TIMELESS: variants seen among roughly 807,000 people sequenced by gnomAD.
TIMELESS encodes protein timeless homolog.
In TIMELESS, 124 loss-of-function variants were observed where a neutral mutation model predicts 164.3. The observed-to-expected ratio is 0.75, with a 90% CI of 0.65 to 0.88. The LOEUF (loss-of-function observed/expected upper bound fraction) is 0.88, where lower values mean the gene tolerates loss of function less well. Among genes scored for constraint, TIMELESS ranks in the 40% least tolerant of loss-of-function variants. The pLI is 0.00. For synonymous variants in TIMELESS, 564 were observed against 563.4 expected, an observed-to-expected ratio of 1.00 and a Z score of -0.02; for missense variants, 1,422 against 1,491.4, an observed-to-expected ratio of 0.95 and a Z score of 0.77.
chr12:56,421,540 A>G (rs778707974), intron 22 of TIMELESS, 47 bp from the exon 23 acceptor site: 1 of 1,583,470 alleles, frequency 6.3e-7, no homozygotes, highest in East Asian at 2.2e-5. Context: ...AGGGAAAGAG[A>G]TGAGTAAAAT....
At position 56,421,482 on chromosome 12, in the gene TIMELESS, G is replaced by T. The variant is rs1881487587; in HGVS notation, c.2737C>A (p.His913Asn). 1 of 1,611,558 alleles carries T rather than the reference G, an allele frequency of 6.2e-7. No homozygotes were observed. The highest frequency in any genetic ancestry group is 1.1e-5 in the South Asian group (1 of 90,826). ...TTGGCTGTGATATTCTTCATGATAT[G>T]ACCCAGGACATCTATAAAAAGCAAG... Reference protein sequence around the residue: ...EFRDSDDVLGHIMKNITAKRS... With the variant: ...EFRDSDDVLGNIMKNITAKRS... The change falls in exon 23 of 29, where the codon CAT (histidine) becomes AAT (asparagine). Residue 913 changes from histidine (H) to asparagine (N), a missense_variant. By Grantham distance (68) the His-to-Asn change is moderately conservative (BLOSUM62 1). Transcript: ENST00000553532.
At chr12:56,430,767 G>C (rs1017164538) in intron 9 of TIMELESS, 114 bp downstream of exon 9, 6 of 641,284 alleles carry the variant, frequency 9.4e-6, no homozygotes, top group Admixed American at 9.0e-5. Context: ...GCCTCCCAAA[G>C]TGCTGGGACC....
Position 56,428,384 on chromosome 12 carries a change from T to C in TIMELESS, c.1430A>G (p.Glu477Gly). ...AAGTGCCAGGAATAGTTCTCGGTACTCCATCACATAGAAAATATTGTCTAG... is the reference window on the plus strand; with the variant it reads ...AAGTGCCAGGAATAGTTCTCGGTACCCCATCACATAGAAAATATTGTCTAG... ...IIKNNIFYVMEYRELFLALFR... is the reference protein window; with the variant it reads ...IIKNNIFYVMGYRELFLALFR... The change falls in exon 13 of 29, where the codon GAG (glutamate) becomes GGG (glycine). Residue 477 changes from glutamate (E) to glycine (G), a missense_variant. Transcript: ENST00000553532. 6.2e-7 allele frequency: 1 copy of C among 1,610,414 alleles called. No individual in the cohort carries two copies. The highest frequency in any genetic ancestry group is 1.3e-5 in the African/African-American group (1 of 74,964).
Position 56,420,704 on chromosome 12 carries a change from A to G in TIMELESS, c.3110-17T>C. 2.5e-6 allele frequency: 4 copies of G among 1,613,838 alleles called. No homozygotes were observed. Among genetic ancestry groups the G allele is most frequent in the Non-Finnish European group, 3.4e-6 (4 of 1,179,714 alleles). ...GGGAGCAGCCTAAGACAGGGTCAAT[A>G]GTCATATGGTGAAGATATAAGGGAA... On this transcript the variant is annotated splice_polypyrimidine_tract_variant and intron_variant, in intron 25 of 28. Transcript: ENST00000553532.
In TIMELESS at chr12:56,423,635, T is replaced by C. The variant is rs1334895389; in HGVS notation, c.2039A>G (p.Gln680Arg). Residue 680 changes from glutamine (Q) to arginine (R), a missense_variant, in exon 17 of 29, where the codon CAA becomes CGA. By Grantham distance (43) the Gln-to-Arg change is conservative. Transcript: ENST00000553532. ...EEEEEEEEEL[Q>R]VVQVSEKEFN... ...TTCTTTCTCCGACACCTGGACCACT[T>C]GCAACTCCTCCTCTTCCTCCTCCTC... 1.2e-6 allele frequency: 2 copies of C among 1,613,968 alleles called. No homozygotes were observed. Among genetic ancestry groups the C allele is most frequent in the Non-Finnish European group, 1.7e-6 (2 of 1,180,040 alleles).
At position 56,434,124 on chromosome 12, in the gene TIMELESS, G is replaced by A. The variant is rs1184170557; in HGVS notation, c.47C>T (p.Ala16Val). The A allele has an allele frequency of 1.2e-6, 2 of 1,614,016 alleles. No individual in the cohort carries two copies. The highest frequency in any genetic ancestry group is 8.5e-7 in the Non-Finnish European group (1 of 1,180,034). Residue 16 changes from alanine to valine, a missense_variant, in exon 2 of 29, where the codon GCC (alanine) becomes GTC (valine). Physicochemically the swap from Ala to Val is moderately conservative, Grantham distance 64. Transcript: ENST00000553532. ...AGTGTCTCCCTCCAAGTACCCAAGGGCACTACATGTGGCTAGAAGTTCACA... is the reference window on the plus strand; with the variant it reads ...AGTGTCTCCCTCCAAGTACCCAAGGACACTACATGTGGCTAGAAGTTCACA... Reference protein sequence around the residue: ...MNCELLATCSALGYLEGDTYH... With the variant: ...MNCELLATCSVLGYLEGDTYH...
intron 1 of TIMELESS, among the ~76,000 whole-genome samples, chr12:56,447,997 G>C (rs1431871005): frequency 6.6e-6 from 1 of 151,898 alleles, no homozygotes; most frequent in South Asian, 2.1e-4. Context: ...AGATTGAGAG[G>C]GTCAGGGCCA....
At position 56,417,645 on chromosome 12, in the gene TIMELESS, A is replaced by G; in HGVS notation, c.*71T>C. 1 of 1,490,298 alleles carries G rather than the reference A, an allele frequency of 6.7e-7. No individual in the cohort carries two copies. Among genetic ancestry groups the G allele is most frequent in the Non-Finnish European group, 9.4e-7 (1 of 1,068,456 alleles). The allele number at this position is 1,490,298 out of a possible 1,614,324, so 92.3% of individuals were successfully genotyped here. A position where few individuals can be genotyped will look rare whatever the true frequency, so the allele number is the denominator to read the frequency against. ...AAGAGGAGCTTCTGGGTCCTGTATG[A>G]CCCTTCCAACTCTGACTTGAATGCA... On this transcript the variant is annotated 3_prime_UTR_variant, in exon 29 of 29. Transcript: ENST00000553532.
chr12:56,422,479 G>A (rs1881531183), intron 19 of TIMELESS, among the ~76,000 whole-genome samples: 1 of 152,206 alleles, frequency 6.6e-6, no homozygotes, highest in Non-Finnish European at 1.5e-5. Flanking sequence ...TGAAAGGAGA[G>A]GGGCTGAGAT....
chr12:56,430,203 T>G lies in TIMELESS; in HGVS notation c.988A>C (p.Ile330Leu), dbSNP rs112942716. The G allele has an allele frequency of 7.4e-6, 12 of 1,614,000 alleles. No individual in the cohort carries two copies. The African/African-American group carries it at 1.6e-4, about 22-fold the overall frequency. The change falls in exon 10 of 29, where the codon ATT becomes CTT. Residue 330 changes from isoleucine to leucine, a missense_variant. Ile to Leu is a conservative substitution (Grantham distance 5, BLOSUM62 2). Transcript: ENST00000553532. ...ACATTGAGGGCAGAACGGCGCTGAA[T>G]GGACAGCTCTCGGGCGGCCTGGCGA... is the stretch of plus-strand genomic sequence containing the variant. The part of the protein sequence containing the change: ...KRRQAARELS[I>L]QRRSALNVRL...
At position 56,418,313 on chromosome 12, in the gene TIMELESS, C is replaced by A; in HGVS notation, c.3275G>T (p.Arg1092Leu). The change falls in exon 27 of 29, where the codon CGG becomes CTG. Residue 1092 changes from arginine (R) to leucine (L), a missense_variant. Transcript: ENST00000553532. ...TTGACTCAAAGAAGCTGCTGCCCTCCGGAGCTGGGTAGGACTCAGCTTGGC... is the reference window on the plus strand; with the variant it reads ...TTGACTCAAAGAAGCTGCTGCCCTCAGGAGCTGGGTAGGACTCAGCTTGGC... The part of the protein sequence containing the change: ...IPAKLSPTQL[R>L]RAAASLSQPE... 6.2e-7 allele frequency: 1 copy of A among 1,614,014 alleles called. No homozygotes were observed. The highest frequency in any genetic ancestry group is 8.5e-7 in the Non-Finnish European group (1 of 1,180,014).
chr12:56,426,283 CT>C (rs1254297190), intron 13 of TIMELESS, among the ~76,000 whole-genome samples: 8 of 152,086 alleles, frequency 5.3e-5, no homozygotes, highest in Non-Finnish European at 1.0e-4. Flanking sequence ...CAAAAATACC[CT>C]TTAGCAAAGT....
chr12:56,429,159 C>G, intron 10 of TIMELESS, 59 bp from the exon 11 acceptor site: 1 of 1,469,226 alleles, frequency 6.8e-7, no homozygotes. Flanking sequence ...CAACTTCTTC[C>G]TTCCTGTCCT....
At position 56,421,718 on chromosome 12, in the gene TIMELESS, C is replaced by T; in HGVS notation, c.2725+9G>A. ...TCTCAAAGGTCCCCTGAGTTTCCAG[C>T]TTACTCACCATCTGAGTCCCGGAAT... is the stretch of plus-strand genomic sequence containing the variant. On this transcript the variant is annotated intron_variant, in intron 22 of 28. Transcript: ENST00000553532. 2 of 1,614,012 alleles carry T rather than the reference C, an allele frequency of 1.2e-6. No individual in the cohort carries two copies. The highest frequency in any genetic ancestry group is 1.7e-6 in the Non-Finnish European group (2 of 1,179,900).
Position 56,420,842 on chromosome 12 carries a change from A to G in TIMELESS, c.3080T>C (p.Ile1027Thr). The G allele has an allele frequency of 6.2e-7, 1 of 1,614,162 alleles. No individual in the cohort carries two copies. The highest frequency in any genetic ancestry group is 8.5e-7 in the Non-Finnish European group (1 of 1,180,030). The part of the protein sequence containing the change: ...IPLLWLQNCL[I>T]RAADDREEDG... Reference sequence around the variant, plus strand: ...CTCTTCCCGATCATCAGCTGCTCGGATCAGGCAGTTCTGGAGCCATAGGAG... The same window carrying G: ...CTCTTCCCGATCATCAGCTGCTCGGGTCAGGCAGTTCTGGAGCCATAGGAG... The change falls in exon 25 of 29, where the codon ATC becomes ACC. Residue 1027 changes from isoleucine (I) to threonine (T), a missense_variant. Ile to Thr is a moderately conservative substitution (Grantham distance 89). Coordinates refer to ENST00000553532, the MANE Select transcript of TIMELESS (RefSeq NM_003920.5).
rs1451412096 is a variant in TIMELESS at position 56,422,149 on chromosome 12, C to G, written c.2481G>C (p.Glu827Asp). 3 of 1,614,154 alleles carry G rather than the reference C, an allele frequency of 1.9e-6. No individual in the cohort carries two copies. Among genetic ancestry groups the G allele is most frequent in the Non-Finnish European group, 2.5e-6 (3 of 1,180,024 alleles). Residue 827 changes from glutamate to aspartate, a missense_variant, in exon 20 of 29, where the codon GAG becomes GAC. Glu to Asp is a conservative substitution (Grantham distance 45). Coordinates refer to ENST00000553532, the MANE Select transcript of TIMELESS (RefSeq NM_003920.5). ...RRAPTWSPEE[E>D]AHLRELYLAN... ...CGAGGTACAGCTCCCGAAGATGAGC[C>G]TCTTCTTCGGGGCTCCATGTAGGTG... is the stretch of plus-strand genomic sequence containing the variant.
chr12:56,428,812 A>G, intron 11 of TIMELESS, 71 bp downstream of exon 11: 4 of 1,560,450 alleles, frequency 2.6e-6, no homozygotes, highest in Non-Finnish European at 2.6e-6. Context: ...TGAATCAGGA[A>G]AAAAGCACCA....
intron 13 of TIMELESS, 92 bp downstream of exon 13, chr12:56,428,144 T>A (rs569681204): frequency 1.6e-5 from 21 of 1,298,068 alleles, no homozygotes; most frequent in Non-Finnish European, 2.2e-5. Context: ...GTTTAACAGA[T>A]GAACTTAAGC....
chr12:56,429,095 G>A lies in TIMELESS; in HGVS notation c.1092C>T (p.His364=), dbSNP rs772913058. 9.8e-5 allele frequency: 158 copies of A among 1,612,892 alleles called. No homozygotes were observed. Among genetic ancestry groups the A allele is most frequent in the Middle Eastern group, 3.3e-4 (2 of 6,074 alleles). ...GCTGCTGAGCTTTCTCCCGAAGCAG[G>A]TGATCCTGACATTTAAAAAAGAAAA... ...YNRLMGSVKD[H]LLREKAQQHD... The change falls in exon 11 of 29, where the codon CAC becomes CAT. Residue 364 remains histidine, a synonymous_variant. Coordinates refer to ENST00000553532, the MANE Select transcript of TIMELESS (RefSeq NM_003920.5).
Sources: gnomAD v4.1 joint callset for allele counts (sites outside exome capture counted in the v4.1 genomes callset) on GRCh38, gnomAD v4.1.1 for gene constraint, MANE v1.5 for transcripts, NCBI Gene and HGNC (gene_info 2026-07-23, HGNC 2026-07-21) for gene names.